OSBPL8: variants seen among roughly 807,000 people sequenced by gnomAD.
OSBPL8 encodes oxysterol binding protein like 8.
A neutral mutation model predicts 125.5 loss-of-function variants in OSBPL8; 59 were observed. The observed-to-expected ratio is 0.47, with a 90% CI of 0.38 to 0.58. OSBPL8 has a LOEUF of 0.58. Among genes scored for constraint, OSBPL8 ranks in the 20% least tolerant of loss-of-function variants. The pLI is 0.00. For missense variants in OSBPL8, 758 were observed against 1,047.8 expected, an observed-to-expected ratio of 0.72 and a Z score of 3.82; for synonymous variants, 330 against 338.9, an observed-to-expected ratio of 0.97 and a Z score of 0.29.
In OSBPL8 at chr12:76,485,169, C is replaced by T. The variant is rs7965088; in HGVS notation, c.42+2341G>A. On this transcript the variant is annotated intron_variant, in intron 2 of 23. Transcript: ENST00000261183. ...AGCTCCTGACCTCAGGTGATCCACC[C>T]GCCTCAGCCTCCCAAAGTGCTGGGA... Among the ~76,000 whole-genome samples the T allele has an allele frequency of 2.5e-3, 376 of 152,080 alleles. 1 individual carries two copies. Among genetic ancestry groups the T allele is most frequent in the African/African-American group, 8.3e-3 (344 of 41,518 alleles).
chr12:76,406,225 T>C (rs1254213607), intron 5 of OSBPL8, among the ~76,000 whole-genome samples: 2 of 152,120 alleles, frequency 1.3e-5, no homozygotes, highest in East Asian at 3.8e-4. Flanking sequence ...GCTTTGAAAA[T>C]TACAAAATGC....
chr12:76,403,999 T>G (rs775229753), intron 5 of OSBPL8, among the ~76,000 whole-genome samples: 1 of 152,208 alleles, frequency 6.6e-6, no homozygotes, highest in Admixed American at 6.5e-5. Context: ...CTACTTGGTA[T>G]GAAAGATGGG....
intron 1 of OSBPL8, among the ~76,000 whole-genome samples, chr12:76,518,851 T>G (rs1212948874): frequency 1.3e-5 from 2 of 152,234 alleles, no homozygotes; most frequent in Non-Finnish European, 2.9e-5. Context: ...AGTGGCACCC[T>G]GGGACAGGTC....
At chr12:76,392,826 T>C in intron 9 of OSBPL8, 74 bp from the exon 10 acceptor site, 1 of 1,393,944 alleles carries the variant, frequency 7.2e-7, no homozygotes, top group Non-Finnish European at 9.7e-7. Context: ...ACTTACCCTG[T>C]TACCACTATT....
Position 76,392,731 on chromosome 12 carries a change from A to G in OSBPL8, c.779T>C (p.Leu260Ser). 6.2e-7 allele frequency: 1 copy of G among 1,613,508 alleles called. No individual in the cohort carries two copies. The highest frequency in any genetic ancestry group is 8.5e-7 in the Non-Finnish European group (1 of 1,179,512). ...ACTAGAACATTTCAAAGCCAACTCC[A>G]AAGCATCCATCCAGCACCTTCCTAA... is the stretch of plus-strand genomic sequence containing the variant. ...ESDGRCWMDA[L>S]ELALKCSSLL... The change falls in exon 10 of 24, where the codon TTG becomes TCG. Residue 260 changes from leucine to serine, a missense_variant. By Grantham distance (145) the Leu-to-Ser change is moderately radical (BLOSUM62 -2). Transcript: ENST00000261183.
At chr12:76,510,941 C>T (rs7967054) in intron 1 of OSBPL8, among the ~76,000 whole-genome samples, 75,570 of 151,546 alleles carry the variant, frequency 0.5, 20,308 homozygotes, top group African/African-American at 0.68. Flanking sequence ...TTCTAGATTC[C>T]GGACATACAG....
chr12:76,408,549 A>G (rs1468643072), intron 5 of OSBPL8, among the ~76,000 whole-genome samples: 3 of 151,992 alleles, frequency 2.0e-5, no homozygotes. Flanking sequence ...TCAAGATTCA[A>G]ATTGACTCTT....
chr12:76,382,804 A>G (rs901581158), intron 15 of OSBPL8, among the ~76,000 whole-genome samples: 1 of 152,020 alleles, frequency 6.6e-6, no homozygotes, highest in Non-Finnish European at 1.5e-5. Flanking sequence ...AATAGCTTGA[A>G]CCCGGGAGGC....
chr12:76,381,622 A>G (rs1953057200), intron 15 of OSBPL8, among the ~76,000 whole-genome samples: 1 of 152,078 alleles, frequency 6.6e-6, no homozygotes, highest in African/African-American at 2.4e-5. Flanking sequence ...CTTTATCTCT[A>G]TTAACACTTT....
At chr12:76,366,692 T>G in intron 21 of OSBPL8, 1 of 277,780 alleles carries the variant, frequency 3.6e-6, no homozygotes, top group Non-Finnish European at 7.1e-6. Flanking sequence ...TTCCTTACCT[T>G]TGCTGCATCT....
chr12:76,446,991 GAACT>G (rs1872786011), intron 4 of OSBPL8, among the ~76,000 whole-genome samples: 1 of 152,082 alleles, frequency 6.6e-6, no homozygotes, highest in South Asian at 2.1e-4. Context: ...TTTTCTGTAG[GAACT>G]AACTATATTT....
At chr12:76,464,341 T>C (rs1875122721) in intron 2 of OSBPL8, among the ~76,000 whole-genome samples, 1 of 152,236 alleles carries the variant, frequency 6.6e-6, no homozygotes, top group South Asian at 2.1e-4. Context: ...TTGTTTACCA[T>C]TGTCCCACAG....
At chr12:76,546,823 G>C (rs1213822887) in intron 1 of OSBPL8, among the ~76,000 whole-genome samples, 1 of 152,084 alleles carries the variant, frequency 6.6e-6, no homozygotes, top group Non-Finnish European at 1.5e-5. Context: ...AAGATCATCA[G>C]TAATCAGTCC....
In OSBPL8 at chr12:76,375,336, A is replaced by G; in HGVS notation, c.1764T>C (p.Gly588=). Residue 588 remains glycine (G), a synonymous_variant, in exon 17 of 24, where the codon GGT becomes GGC. Coordinates refer to ENST00000261183, the MANE Select transcript of OSBPL8 (RefSeq NM_020841.5). ...ILYGTMTLEL[G]GTVNITCQKT... is the part of the protein sequence containing the mutation. Reference sequence around the variant, plus strand: ...TTTGACATGTAATATTGACTGTTCCACCAAGCTCCAGTGTCATTGTACCAT... The same window carrying G: ...TTTGACATGTAATATTGACTGTTCCGCCAAGCTCCAGTGTCATTGTACCAT... The G allele has an allele frequency of 6.2e-7, 1 of 1,612,280 alleles. No homozygotes were observed. Among genetic ancestry groups the G allele is most frequent in the South Asian group, 1.1e-5 (1 of 91,018 alleles).
chr12:76,521,377 C>A (rs1264458369), intron 1 of OSBPL8, among the ~76,000 whole-genome samples: 1 of 152,072 alleles, frequency 6.6e-6, no homozygotes, highest in Non-Finnish European at 1.5e-5. Flanking sequence ...ACAGCCACTG[C>A]GGAAAACAGT....
chr12:76,502,158 T>C (rs1261519794), intron 1 of OSBPL8, among the ~76,000 whole-genome samples: 1 of 152,206 alleles, frequency 6.6e-6, no homozygotes, highest in South Asian at 2.1e-4. Flanking sequence ...AGGCTGTATA[T>C]GCTCTGGGTC....
chr12:76,438,188 G>A lies in OSBPL8; in HGVS notation c.217+12663C>T, dbSNP rs374270324. 2.0e-4 allele frequency among the ~76,000 whole-genome samples: 30 copies of A among 151,734 alleles called. No homozygotes were observed. The East Asian group carries it at 3.7e-3, about 19-fold the overall frequency. On this transcript the variant is annotated intron_variant, in intron 4 of 23. Transcript: ENST00000261183. ...TTTTTAGTAGAGACGGGGTTTCACC[G>A]TGTTAGCCAGGATGGTCTCGATCTC...
Position 76,369,326 on chromosome 12 carries a change from C to A in OSBPL8, c.2241-25G>T, listed in dbSNP as rs566118641. On this transcript the variant is annotated intron_variant, in intron 20 of 23. Transcript: ENST00000261183. ...ACTACATAAATGAAAAAAAAAAAAA[C>A]CATTTGCTCAATGACTAAACAAAGA... The A allele has an allele frequency of 2.0e-3, 2,547 of 1,261,398 alleles. 31 individuals are homozygous for A. In the South Asian group the frequency reaches 0.034, roughly 17 times the overall value. 78.1% of individuals were successfully genotyped at this position (1,261,398 alleles called of 1,614,324 possible).
intron 21 of OSBPL8, among the ~76,000 whole-genome samples, chr12:76,365,152 T>A (rs1024780493): frequency 3.3e-5 from 5 of 152,086 alleles, no homozygotes; most frequent in African/African-American, 1.2e-4. Flanking sequence ...GACAGAGTTT[T>A]GCCATGTTGT....
Sources: gnomAD v4.1 joint callset for allele counts (sites outside exome capture counted in the v4.1 genomes callset) on GRCh38, gnomAD v4.1.1 for gene constraint, MANE v1.5 for transcripts, NCBI Gene and HGNC (gene_info 2026-07-23, HGNC 2026-07-21) for gene names.